The following TTLL5 variants were observed in gnomAD, a reference collection of about 807,000 sequenced individuals.
TTLL5 encodes the protein tubulin tyrosine ligase like 5.
A neutral mutation model predicts 168.4 loss-of-function variants in TTLL5; 132 were observed. That is an observed-to-expected ratio of 0.78 (90% CI 0.68 to 0.91). The LOEUF (loss-of-function observed/expected upper bound fraction) is 0.91, where lower values mean the gene tolerates loss of function less well. TTLL5 is among the 40% of genes least tolerant of loss of function. The pLI, the probability that TTLL5 is intolerant of heterozygous loss-of-function variation, is 0.00. For synonymous variants in TTLL5, 546 were observed against 558.6 expected (o/e 0.98, Z 0.32); for missense variants, 1,545 against 1,581.5 (o/e 0.98, Z 0.39).
intron 27 of TTLL5, chr14:75,818,506 G>A: frequency 4.3e-6 from 1 of 233,964 alleles, no homozygotes; most frequent in Admixed American, 5.7e-5. Context: ...TTTTTTTTTT[G>A]AGATGGAGTC....
At chr14:75,779,551 C>G in intron 23 of TTLL5, 24 bp from the exon 24 acceptor site, 1 of 1,608,536 alleles carries the variant, frequency 6.2e-7, no homozygotes, top group Non-Finnish European at 8.5e-7. Flanking sequence ...TCCTGTCTGA[C>G]CATACTTTTT....
In TTLL5 at chr14:75,705,593, G is replaced by A. The variant is rs80337504; in HGVS notation, c.586-1425G>A. On this transcript the variant is annotated intron_variant, in intron 7 of 31. Coordinates refer to ENST00000298832, the MANE Select transcript of TTLL5 (RefSeq NM_015072.5). ...CTGATTCTTTTTTAATCTATAAAAT[G>A]TGGATGGTGATATACCTGCCTCATG... is the stretch of plus-strand genomic sequence containing the variant. 3.9e-3 allele frequency among the ~76,000 whole-genome samples: 596 copies of A among 152,260 alleles called. 4 individuals carry two copies. The highest frequency in any genetic ancestry group is 6.0e-3 in the Non-Finnish European group (408 of 68,026).
At chr14:75,776,147 A>T (rs533096192) in intron 22 of TTLL5, among the ~76,000 whole-genome samples, 1 of 152,312 alleles carries the variant, frequency 6.6e-6, no homozygotes, top group East Asian at 1.9e-4. Context: ...TAAAAATATC[A>T]TTTTGGGTGT....
intron 28 of TTLL5, among the ~76,000 whole-genome samples, chr14:75,855,176 A>G (rs1897071224): frequency 6.6e-6 from 1 of 151,476 alleles, no homozygotes; most frequent in African/African-American, 2.4e-5. Flanking sequence ...AGAAATAAGA[A>G]AAAAAAAATC....
At chr14:75,669,243 G>A (rs1401687699) in intron 2 of TTLL5, among the ~76,000 whole-genome samples, 173 bp from the exon 3 acceptor site, 1 of 152,212 alleles carries the variant, frequency 6.6e-6, no homozygotes, top group Non-Finnish European at 1.5e-5. Flanking sequence ...CAGGGATAGA[G>A]TTAATTTTAA....
intron 11 of TTLL5, among the ~76,000 whole-genome samples, 195 bp from the exon 12 acceptor site, chr14:75,720,401 T>G (rs1334010038): frequency 6.6e-6 from 1 of 152,216 alleles, no homozygotes. Flanking sequence ...GGGTATCCCT[T>G]GGCACCTACA....
chr14:75,693,957 G>A (rs938764091), intron 6 of TTLL5, among the ~76,000 whole-genome samples: 4 of 152,160 alleles, frequency 2.6e-5, no homozygotes, highest in African/African-American at 9.7e-5. Flanking sequence ...ATAAGACTAG[G>A]TGATTTAAGC....
At chr14:75,685,225 A>C (rs185995819) in intron 5 of TTLL5, among the ~76,000 whole-genome samples, 6 of 152,074 alleles carry the variant, frequency 3.9e-5, no homozygotes, top group East Asian at 1.9e-4. Context: ...TCTAAAAAAA[A>C]CAAAAAATTT....
At chr14:75,720,912 G>A (rs959315872) in intron 12 of TTLL5, among the ~76,000 whole-genome samples, 1 of 152,206 alleles carries the variant, frequency 6.6e-6, no homozygotes, top group Non-Finnish European at 1.5e-5. Flanking sequence ...CTAGCTTTCT[G>A]TGTGGGAAGC....
intron 27 of TTLL5, among the ~76,000 whole-genome samples, chr14:75,803,596 C>T (rs373020925): frequency 1.3e-5 from 2 of 152,160 alleles, no homozygotes; most frequent in African/African-American, 4.8e-5. Context: ...AATTCTTTCC[C>T]TTGGCCCAAG....
At position 75,668,773 on chromosome 14, in the gene TTLL5, G is replaced by A. The variant is rs186485870; in HGVS notation, c.75-643G>A. On this transcript the variant is annotated intron_variant, in intron 2 of 31. Coordinates refer to ENST00000298832, the MANE Select transcript of TTLL5 (RefSeq NM_015072.5). ...AATTGGCTTGAAAATGGACTATAGC[G>A]TGTAAAAGGAGTATGTAAATTATTG... Among the ~76,000 whole-genome samples, 11 of 152,268 alleles carry A rather than the reference G, an allele frequency of 7.2e-5. No homozygotes were observed. The East Asian group carries it at 7.7e-4, about 11-fold the overall frequency.
intron 17 of TTLL5, among the ~76,000 whole-genome samples, chr14:75,746,626 G>A (rs1889633518): frequency 6.8e-6 from 1 of 146,660 alleles, no homozygotes; most frequent in Admixed American, 6.9e-5. Flanking sequence ...GCACAATCTT[G>A]GCTTACTGCA....
chr14:75,710,860 G>A (rs1219135893), intron 9 of TTLL5: 6 of 152,184 alleles, frequency 3.9e-5, no homozygotes, highest in Non-Finnish European at 7.3e-5. Flanking sequence ...ATTGGGTTAC[G>A]TTGAGGCTCA....
At chr14:75,679,450 G>T (rs942586650) in intron 3 of TTLL5, among the ~76,000 whole-genome samples, 11 of 152,164 alleles carry the variant, frequency 7.2e-5, no homozygotes, top group African/African-American at 2.7e-4. Context: ...TGAGACCTGT[G>T]TTCGACTTCT....
intron 24 of TTLL5, among the ~76,000 whole-genome samples, chr14:75,780,373 A>C (rs1422790239): frequency 6.6e-6 from 1 of 152,140 alleles, no homozygotes; most frequent in Non-Finnish European, 1.5e-5. Context: ...ATGCCCCTAC[A>C]TGTTTCTAAA....
intron 12 of TTLL5, among the ~76,000 whole-genome samples, chr14:75,721,173 C>T (rs1364822414): frequency 2.6e-5 from 4 of 152,028 alleles, no homozygotes; most frequent in Non-Finnish European, 5.9e-5. Context: ...ATTCCTCTTC[C>T]ACTTTCTTTT....
At chr14:75,682,242 A>C (rs1417320928) in intron 4 of TTLL5, among the ~76,000 whole-genome samples, 1 of 151,752 alleles carries the variant, frequency 6.6e-6, no homozygotes, top group Non-Finnish European at 1.5e-5. Context: ...TGATGTGCAG[A>C]GGGGACTAGC....
At chr14:75,832,812 A>G (rs921154341) in intron 28 of TTLL5, among the ~76,000 whole-genome samples, 5 of 152,228 alleles carry the variant, frequency 3.3e-5, no homozygotes, top group African/African-American at 1.2e-4. Context: ...TAAACGGTCC[A>G]TTCCAGGCAC....
At chr14:75,886,671 T>A (rs771691155) in intron 30 of TTLL5, 3 of 1,595,240 alleles carry the variant, frequency 1.9e-6, no homozygotes, top group Non-Finnish European at 2.5e-6. Flanking sequence ...GATTTTCTTC[T>A]CCAATGTTTG....
Sources: allele counts gnomAD v4.1 joint callset (sites outside exome capture counted in the v4.1 genomes callset), GRCh38; gene constraint gnomAD v4.1.1; transcripts MANE v1.5; gene names NCBI Gene and HGNC (gene_info 2026-07-23, HGNC 2026-07-21).